Variants in SH3GLB1 observed in about 807,000 individuals in gnomAD.
The protein encoded by SH3GLB1 is endophilin-B1.
In SH3GLB1, 17 loss-of-function variants were observed where a neutral mutation model predicts 42.0. The ratio of observed to expected loss-of-function variants is 0.40; its 90% CI spans 0.28 to 0.61. The LOEUF is 0.61. Ranked by LOEUF, SH3GLB1 falls within the 20% of genes least tolerant of loss-of-function variation. The pLI is 0.36. For synonymous variants in SH3GLB1, 132 were observed against 146.6 expected (o/e 0.90, Z 0.72); for missense variants, 355 against 426.3 (o/e 0.83, Z 1.47).
At chr1:86,714,162 T>C (rs1188122228) in intron 1 of SH3GLB1, among the ~76,000 whole-genome samples, 1 of 152,214 alleles carries the variant, frequency 6.6e-6, no homozygotes, top group African/African-American at 2.4e-5. Flanking sequence ...TCCCTTCCTA[T>C]TGGTCACTTT....
chr1:86,730,245 G>A, intron 5 of SH3GLB1: 4 of 1,401,146 alleles, frequency 2.9e-6, no homozygotes, highest in Non-Finnish European at 2.8e-6. Context: ...CTGAAAATGA[G>A]GGATATGTTC....
chr1:86,727,379 A>G (rs141133697), intron 5 of SH3GLB1, among the ~76,000 whole-genome samples: 1 of 152,158 alleles, frequency 6.6e-6, no homozygotes, highest in African/African-American at 2.4e-5. Context: ...GATTGTGTAT[A>G]TGATAAAATA....
rs1654742508 is a variant in SH3GLB1 at position 86,719,585 on chromosome 1, G to A, written c.293G>A (p.Gly98Glu). Reference protein sequence around the residue: ...PSRINNPELLGQYMIDAGTEF... With the variant: ...PSRINNPELLEQYMIDAGTEF... ...CGTATAAACAACCCAGAACTTTTGG[G>A]ACAATATATGATTGATGCAGGGACT... Residue 98 changes from glycine to glutamate, a missense_variant, in exon 3 of 9, where the codon GGA (glycine) becomes GAA (glutamate). By Grantham distance (98) the Gly-to-Glu change is moderately conservative. Coordinates refer to ENST00000370558, the MANE Select transcript of SH3GLB1 (RefSeq NM_016009.5). 8 of 1,611,436 alleles carry A rather than the reference G, an allele frequency of 5.0e-6. No homozygotes were observed. The highest frequency in any genetic ancestry group is 6.8e-6 in the Non-Finnish European group (8 of 1,178,692).
chr1:86,714,637 A>G (rs1350303613), intron 1 of SH3GLB1, among the ~76,000 whole-genome samples: 2 of 152,202 alleles, frequency 1.3e-5, no homozygotes, highest in Non-Finnish European at 2.9e-5. Context: ...AAGAAACAAT[A>G]AAACTCAGAA....
rs747331777 is a variant in SH3GLB1 at position 86,719,663 on chromosome 1, A to T, written c.343+28A>T. The T allele has an allele frequency of 1.9e-6, 3 of 1,599,094 alleles. No individual in the cohort carries two copies. The South Asian group carries it at 3.4e-5, about 18-fold the overall frequency. On this transcript the variant is annotated intron_variant, in intron 3 of 8. Coordinates refer to ENST00000370558, the MANE Select transcript of SH3GLB1 (RefSeq NM_016009.5). The stretch of plus-strand genomic sequence containing the variant: ...AAGTGAAATGCAAAAAGTTCTAATA[A>T]GGGATATCTTTATGTTTAGATTTAT...
At chr1:86,736,647 A>G (rs1047255392) in intron 7 of SH3GLB1, among the ~76,000 whole-genome samples, 3 of 152,298 alleles carry the variant, frequency 2.0e-5, no homozygotes, top group African/African-American at 7.2e-5. Flanking sequence ...AAGCCACACT[A>G]TGCTTAGGAC....
intron 7 of SH3GLB1, among the ~76,000 whole-genome samples, chr1:86,741,385 A>G (rs954992038): frequency 6.6e-6 from 1 of 152,212 alleles, no homozygotes; most frequent in African/African-American, 2.4e-5. Flanking sequence ...GCTATTTTGT[A>G]CTGTTTTATA....
chr1:86,705,413 C>T (rs1653799854), intron 1 of SH3GLB1, among the ~76,000 whole-genome samples: 1 of 152,192 alleles, frequency 6.6e-6, no homozygotes, highest in Non-Finnish European at 1.5e-5. Context: ...AAGGGAGTTT[C>T]CTTTTCCTGT....
chr1:86,730,237 G>A lies in SH3GLB1; in HGVS notation c.571-4365G>A, dbSNP rs1045917146. 12 of 1,405,238 alleles carry A rather than the reference G, an allele frequency of 8.5e-6. No homozygotes were observed. In the Admixed American group the frequency reaches 3.1e-4, roughly 36 times the overall value. The allele number at this position is 1,405,238 out of a possible 1,614,324, so 87.0% of individuals were successfully genotyped here. A position where few individuals can be genotyped will look rare whatever the true frequency, so the allele number is the denominator to read the frequency against. ...TGTGTTAGTATACCTTATAAAATCT[G>A]AAAATGAGGGATATGTTCAGGTCTC... On this transcript the variant is annotated intron_variant, in intron 5 of 8. Transcript: ENST00000370558.
chr1:86,717,246 A>C (rs551256943), intron 2 of SH3GLB1, among the ~76,000 whole-genome samples: 26 of 152,368 alleles, frequency 1.7e-4, no homozygotes, highest in African/African-American at 6.0e-4. Flanking sequence ...CTTTTATTAA[A>C]AGTAATAGAC....
chr1:86,719,309 T>C (rs1187894105), intron 2 of SH3GLB1, among the ~76,000 whole-genome samples, 198 bp from the exon 3 acceptor site: 1 of 152,120 alleles, frequency 6.6e-6, no homozygotes. Context: ...TGCCAAGATA[T>C]TTTATCAAAT....
chr1:86,728,440 T>C (rs1292862607), intron 5 of SH3GLB1: 1 of 1,560,252 alleles, frequency 6.4e-7, no homozygotes, highest in Non-Finnish European at 8.7e-7. Context: ...GATAACATTA[T>C]GGTAAATTTC....
chr1:86,741,274 GAA>G (rs902634325), intron 7 of SH3GLB1, among the ~76,000 whole-genome samples: 16 of 152,132 alleles, frequency 1.1e-4, no homozygotes, highest in Admixed American at 8.5e-4. Flanking sequence ...CTCGTGAAGA[GAA>G]AAGAGGACTT....
intron 5 of SH3GLB1, chr1:86,730,357 G>C: frequency 1.0e-6 from 1 of 985,364 alleles, no homozygotes; most frequent in Non-Finnish European, 1.2e-6. Context: ...GTTATACTAA[G>C]TGGTAATCTT....
intron 1 of SH3GLB1, among the ~76,000 whole-genome samples, chr1:86,715,079 A>T (rs895197434): frequency 1.6e-4 from 24 of 152,236 alleles, no homozygotes; most frequent in Non-Finnish European, 2.9e-4. Flanking sequence ...TCAGCAGCTT[A>T]AATGACAGGT....
At chr1:86,712,227 T>G (rs1654256252) in intron 1 of SH3GLB1, among the ~76,000 whole-genome samples, 1 of 152,184 alleles carries the variant, frequency 6.6e-6, no homozygotes, top group South Asian at 2.1e-4. Flanking sequence ...TTTACTAATT[T>G]TGGTGAATAA....
intron 4 of SH3GLB1, among the ~76,000 whole-genome samples, chr1:86,723,847 G>A (rs1655006440): frequency 6.6e-6 from 1 of 152,132 alleles, no homozygotes; most frequent in South Asian, 2.1e-4. Context: ...TGGATAATCT[G>A]TAACAATTTG....
intron 3 of SH3GLB1, 72 bp from the exon 4 acceptor site, chr1:86,722,468 G>A (rs1300623889): frequency 1.4e-6 from 2 of 1,417,584 alleles, no homozygotes; most frequent in African/African-American, 1.5e-5. Flanking sequence ...CCAAATTGCT[G>A]ATTTATCTTT....
At chr1:86,717,722 T>C (rs1407599501) in intron 2 of SH3GLB1, among the ~76,000 whole-genome samples, 1 of 152,148 alleles carries the variant, frequency 6.6e-6, no homozygotes, top group African/African-American at 2.4e-5. Context: ...ATGCCCAGCC[T>C]GTGCTCTGGT....
Sources: allele counts gnomAD v4.1 joint callset (sites outside exome capture counted in the v4.1 genomes callset), GRCh38; gene constraint gnomAD v4.1.1; transcripts MANE v1.5; gene names NCBI Gene and HGNC (gene_info 2026-07-23, HGNC 2026-07-21).